FUT9: variants seen among roughly 807,000 people sequenced by gnomAD.
FUT9 encodes the protein 4-galactosyl-N-acetylglucosaminide 3-alpha-L-fucosyltransferase 9.
Under a neutral mutation model 29.7 loss-of-function variants are expected in FUT9, and 15 were observed. The ratio of observed to expected loss-of-function variants is 0.51; its 90% CI spans 0.34 to 0.78. The LOEUF is 0.78. Among genes scored for constraint, FUT9 ranks in the 30% least tolerant of loss-of-function variants. FUT9 has a pLI of 0.01. For synonymous variants in FUT9, 169 were observed against 153.7 expected (o/e 1.10, Z -0.74); for missense variants, 319 against 425.4 (o/e 0.75, Z 2.20).
intron 2 of FUT9, among the ~76,000 whole-genome samples, chr6:96,162,799 C>A (rs1772937708): frequency 2.0e-5 from 3 of 152,162 alleles, no homozygotes; most frequent in African/African-American, 2.4e-5. Flanking sequence ...CGTTGTAATT[C>A]ACTGCTGTCA....
At chr6:96,046,431 T>G (rs1285172830) in intron 1 of FUT9, among the ~76,000 whole-genome samples, 1 of 152,176 alleles carries the variant, frequency 6.6e-6, no homozygotes, top group Non-Finnish European at 1.5e-5. Flanking sequence ...TTAACATGAC[T>G]CTAAGGTTTT....
chr6:96,029,227 T>C (rs1018824159), intron 1 of FUT9, among the ~76,000 whole-genome samples: 1 of 151,316 alleles, frequency 6.6e-6, no homozygotes, highest in Non-Finnish European at 1.5e-5. Context: ...TGTAAAAAGC[T>C]AAAATCATTA....
intron 1 of FUT9, among the ~76,000 whole-genome samples, chr6:96,041,165 C>T (rs927453080): frequency 1.3e-5 from 2 of 151,548 alleles, no homozygotes; most frequent in East Asian, 3.9e-4. Flanking sequence ...CAGTGTCTTC[C>T]CCATCTAGTA....
chr6:96,183,304 G>A (rs1447921729), intron 2 of FUT9, among the ~76,000 whole-genome samples: 2 of 151,982 alleles, frequency 1.3e-5, no homozygotes, highest in South Asian at 2.1e-4. Flanking sequence ...TTTGCATCTG[G>A]AAACTTTGCT....
At chr6:96,030,413 A>G (rs989930600) in intron 1 of FUT9, among the ~76,000 whole-genome samples, 37 of 151,576 alleles carry the variant, frequency 2.4e-4, no homozygotes, top group Admixed American at 1.3e-4. Flanking sequence ...TCAGAGTAAG[A>G]TATCACTGTA....
chr6:96,177,156 T>C (rs534200944), intron 2 of FUT9, among the ~76,000 whole-genome samples: 1 of 152,252 alleles, frequency 6.6e-6, no homozygotes, highest in African/African-American at 2.4e-5. Flanking sequence ...ATCCTAAATC[T>C]TGATATGTTT....
intron 2 of FUT9, among the ~76,000 whole-genome samples, chr6:96,140,636 G>A (rs1045631175): frequency 6.6e-6 from 1 of 152,184 alleles, no homozygotes; most frequent in African/African-American, 2.4e-5. Flanking sequence ...GAGGAGCAAA[G>A]GCACATCTTA....
chr6:96,118,620 T>C (rs368401799), intron 2 of FUT9, among the ~76,000 whole-genome samples: 1 of 152,224 alleles, frequency 6.6e-6, no homozygotes, highest in African/African-American at 2.4e-5. Flanking sequence ...CTATATTTTA[T>C]CATTATTTAG....
intron 2 of FUT9, among the ~76,000 whole-genome samples, chr6:96,138,955 T>A (rs150680150): frequency 1.7e-3 from 264 of 152,288 alleles, no homozygotes; most frequent in Middle Eastern, 6.8e-3. Flanking sequence ...CAACTACTTA[T>A]TGATTGCCTT....
rs548092848 is a variant in FUT9 at position 96,179,418 on chromosome 6, C to T, written c.-8-23730C>T. Among the ~76,000 whole-genome samples, 93 of 152,148 alleles carry T rather than the reference C, an allele frequency of 6.1e-4. 1 individual carries two copies. In the Middle Eastern group the frequency reaches 0.027, roughly 45 times the overall value. The stretch of plus-strand genomic sequence containing the variant: ...TTATAGTGTCATTATAATGCAAGTG[C>T]TATGTCAAAGAGATGCACAGCAGCT... On this transcript the variant is annotated intron_variant, in intron 2 of 2. Transcript: ENST00000302103.
chr6:96,101,749 G>T (rs1334599631), intron 1 of FUT9, among the ~76,000 whole-genome samples: 2 of 151,188 alleles, frequency 1.3e-5, no homozygotes, highest in African/African-American at 4.9e-5. Context: ...GACCTCTTGG[G>T]CTCCAGCTAT....
At chr6:96,115,549 AT>A (rs1210552458) in intron 2 of FUT9, among the ~76,000 whole-genome samples, 1 of 152,230 alleles carries the variant, frequency 6.6e-6, no homozygotes. Context: ...TTAAATTTAA[AT>A]TGATAATCAT....
intron 1 of FUT9, among the ~76,000 whole-genome samples, chr6:96,072,803 G>A (rs1771085039): frequency 6.6e-6 from 1 of 152,144 alleles, no homozygotes; most frequent in South Asian, 2.1e-4. Flanking sequence ...CACAAACATA[G>A]CTATGTAAAG....
intron 1 of FUT9, among the ~76,000 whole-genome samples, chr6:96,021,595 G>T (rs1413268229): frequency 6.6e-6 from 1 of 151,892 alleles, no homozygotes; most frequent in Non-Finnish European, 1.5e-5. Context: ...ACCTTAAAAG[G>T]TATTTGTAAT....
chr6:96,087,511 C>T (rs6571016), intron 1 of FUT9, among the ~76,000 whole-genome samples: 105,382 of 151,586 alleles, frequency 0.7, 37,780 homozygotes, highest in East Asian at 0.84. Context: ...GGACTACAGG[C>T]GCGTGCCACA....
chr6:96,106,665 G>A (rs1487166561), intron 1 of FUT9, among the ~76,000 whole-genome samples: 1 of 152,170 alleles, frequency 6.6e-6, no homozygotes, highest in Non-Finnish European at 1.5e-5. Flanking sequence ...GAAGCAACAT[G>A]CAGAACTTAA....
chr6:96,111,540 AACACACACACACACAC>A (rs66491542), intron 1 of FUT9, among the ~76,000 whole-genome samples: 94 of 145,654 alleles, frequency 6.5e-4, no homozygotes, highest in African/African-American at 1.5e-3. Context: ...TGATTTGGGA[AACACACACACACACAC>A]ACACACACAC....
At chr6:96,070,684 C>T (rs957311322) in intron 1 of FUT9, among the ~76,000 whole-genome samples, 1 of 151,392 alleles carries the variant, frequency 6.6e-6, no homozygotes, top group African/African-American at 2.4e-5. Flanking sequence ...AAAACCCCAT[C>T]TCAAAAAAAA....
At position 96,207,465 on chromosome 6, in the gene FUT9, A is replaced by G. The variant is rs1459949111; in HGVS notation, c.*3230A>G. The G allele has an allele frequency of 6.0e-6, 1 of 167,062 alleles. No individual in the cohort carries two copies. Among genetic ancestry groups the G allele is most frequent in the Non-Finnish European group, 1.5e-5 (1 of 68,104 alleles). The allele number at this position is 167,062 out of a possible 1,614,324, so 10.3% of individuals were successfully genotyped here. A position where few individuals can be genotyped will look rare whatever the true frequency, so the allele number is the denominator to read the frequency against. ...AGGTATACAATAAATAAAACATCAAACTTGTTAGCATTCGTTCTGGTTTAA... is the reference window on the plus strand; with the variant it reads ...AGGTATACAATAAATAAAACATCAAGCTTGTTAGCATTCGTTCTGGTTTAA... On this transcript the variant is annotated 3_prime_UTR_variant, in exon 3 of 3. Coordinates refer to ENST00000302103, the MANE Select transcript of FUT9 (RefSeq NM_006581.4).
Sources: gnomAD v4.1 joint callset for allele counts (sites outside exome capture counted in the v4.1 genomes callset) on GRCh38, gnomAD v4.1.1 for gene constraint, MANE v1.5 for transcripts, NCBI Gene and HGNC (gene_info 2026-07-23, HGNC 2026-07-21) for gene names.